Variants in PRDM15 observed in about 807,000 individuals in gnomAD.
PRDM15 encodes PR domain zinc finger protein 15.
In PRDM15, 64 loss-of-function variants were observed where a neutral mutation model predicts 128.6. The ratio of observed to expected loss-of-function variants is 0.50; its 90% CI spans 0.41 to 0.61. The LOEUF (loss-of-function observed/expected upper bound fraction) is 0.61, where lower values mean the gene tolerates loss of function less well. PRDM15 is among the 20% of genes least tolerant of loss of function. The probability of loss-of-function intolerance (pLI) is 0.00; values close to 1 mark genes in which losing one functional copy is unlikely to be tolerated. For missense variants in PRDM15, 1,242 were observed against 1,569.1 expected (o/e 0.79, Z 3.52); for synonymous variants, 615 against 621.8 (o/e 0.99, Z 0.16).
intron 5 of PRDM15, 74 bp from the exon 6 acceptor site, chr21:41,847,265 G>A (rs1190634551): frequency 1.9e-6 from 2 of 1,063,844 alleles, no homozygotes; most frequent in African/African-American, 1.6e-5. Flanking sequence ...CGGCGCAGCG[G>A]AGGAGGGGTG....
In PRDM15 at chr21:41,810,245, T is replaced by C; in HGVS notation, c.2561A>G (p.Asp854Gly). 6.2e-7 allele frequency: 1 copy of C among 1,613,400 alleles called. No individual in the cohort carries two copies. The highest frequency in any genetic ancestry group is 8.5e-7 in the Non-Finnish European group (1 of 1,179,924). The change falls in exon 21 of 24, where the codon GAC becomes GGC. Residue 854 changes from aspartate (D) to glycine (G), a missense_variant. Asp to Gly is a moderately conservative substitution (Grantham distance 94). Coordinates refer to ENST00000398548, the MANE Select transcript of PRDM15 (RefSeq NM_001040424.3). This position sits in a 1 kb window ranked among gnomAD's most constrained non-coding sequence, Gnocchi z 6.4. Reference protein sequence around the residue: ...MLQKHVQLTHDKVEAQSCQLC... With the variant: ...MLQKHVQLTHGKVEAQSCQLC... The stretch of plus-strand genomic sequence containing the variant: ...CTGGCAGCTCTGCGCCTCCACCTTG[T>C]CGTGTGTGAGCTGAACGTGCTTCTG...
intron 10 of PRDM15, among the ~76,000 whole-genome samples, 178 bp from the exon 11 acceptor site, chr21:41,835,702 A>C (rs2062850819): frequency 6.6e-6 from 1 of 152,150 alleles, no homozygotes; most frequent in Non-Finnish European, 1.5e-5. Context: ...CACCTGCCCT[A>C]GAAAGGGAAC....
At chr21:41,876,276 T>A (rs545637886) in intron 1 of PRDM15, among the ~76,000 whole-genome samples, 15 of 152,300 alleles carry the variant, frequency 9.8e-5, no homozygotes, top group South Asian at 6.2e-4. Flanking sequence ...TTTTTTCCCC[T>A]AATCAGTTCA....
intron 17 of PRDM15, 120 bp from the exon 18 acceptor site, chr21:41,819,821 G>T: frequency 7.4e-7 from 1 of 1,345,114 alleles, no homozygotes; most frequent in Non-Finnish European, 1.0e-6. Flanking sequence ...AGTAACAGGG[G>T]TGGGGTCGCC....
intron 11 of PRDM15, among the ~76,000 whole-genome samples, chr21:41,831,211 T>G (rs906706261): frequency 8.5e-5 from 13 of 152,218 alleles, no homozygotes; most frequent in Non-Finnish European, 1.3e-4. Flanking sequence ...CCTGCGCCTG[T>G]CCCTCTCTGC....
At chr21:41,805,909 C>T (rs2061551524) in intron 21 of PRDM15, among the ~76,000 whole-genome samples, 1 of 150,958 alleles carries the variant, frequency 6.6e-6, no homozygotes, top group African/African-American at 2.4e-5. Flanking sequence ...ACCCTCATCA[C>T]CACCAACACT....
intron 11 of PRDM15, among the ~76,000 whole-genome samples, chr21:41,830,120 C>T (rs951298207): frequency 0.14 from 21,290 of 151,548 alleles, 1,683 homozygotes; most frequent in East Asian, 0.29. Flanking sequence ...ACACACCACA[C>T]ACAAAAATAC....
At chr21:41,835,629 A>G (rs2062848922) in intron 10 of PRDM15, 105 bp from the exon 11 acceptor site, 2 of 806,748 alleles carry the variant, frequency 2.5e-6, no homozygotes, top group South Asian at 2.9e-5. Flanking sequence ...GTCTGTTATG[A>G]CTCTGACCTC....
At chr21:41,871,095 A>C (rs2064191732) in intron 1 of PRDM15, among the ~76,000 whole-genome samples, 1 of 152,208 alleles carries the variant, frequency 6.6e-6, no homozygotes, top group African/African-American at 2.4e-5. Flanking sequence ...TAAAACACAG[A>C]TACAGATGGG....
chr21:41,827,174 T>C (rs1247780668), intron 12 of PRDM15, among the ~76,000 whole-genome samples: 1 of 152,084 alleles, frequency 6.6e-6, no homozygotes, highest in African/African-American at 2.4e-5. Flanking sequence ...GCCCTAAGTA[T>C]ACCACCCAAG....
chr21:41,801,638 T>C lies in PRDM15; in HGVS notation c.3028A>G (p.Thr1010Ala). ...LTNITVTPIT[T>A]AAATQFTNLQ... ...TTGGTAAACTGAGTCGCGGCCGCAG[T>C]GGTGATGGGGGTCACGGTGATGTTG... is the stretch of plus-strand genomic sequence containing the variant. The change falls in exon 24 of 24, where the codon ACT becomes GCT. Residue 1010 changes from threonine (T) to alanine (A), a missense_variant. Physicochemically the swap from Thr to Ala is moderately conservative, Grantham distance 58. Coordinates refer to ENST00000398548, the MANE Select transcript of PRDM15 (RefSeq NM_001040424.3). 1.2e-6 allele frequency: 2 copies of C among 1,614,044 alleles called. No homozygotes were observed. The highest frequency in any genetic ancestry group is 8.5e-7 in the Non-Finnish European group (1 of 1,180,010).
chr21:41,867,375 G>T lies in PRDM15; in HGVS notation c.-9-7003C>A, dbSNP rs769179572. 17 of 1,613,042 alleles carry T rather than the reference G, an allele frequency of 1.1e-5. No individual in the cohort carries two copies. In the Admixed American group the frequency reaches 2.8e-4, roughly 27 times the overall value. On this transcript the variant is annotated intron_variant, in intron 1 of 23. Coordinates refer to ENST00000398548, the MANE Select transcript of PRDM15 (RefSeq NM_001040424.3). ...CCCCAGGAAAAGTTTTGTGCAAAGG[G>T]TCCTGAAAGCAGTGAAAGGAAAGCA...
Position 41,832,598 on chromosome 21 carries a change from C to T in PRDM15, c.1366+2839G>A, listed in dbSNP as rs2062732969. Among the ~76,000 whole-genome samples, 1 of 152,156 alleles carries T rather than the reference C, an allele frequency of 6.6e-6. No individual in the cohort carries two copies. The highest frequency in any genetic ancestry group is 1.5e-5 in the Non-Finnish European group (1 of 68,018). On this transcript the variant is annotated intron_variant, in intron 11 of 23. Coordinates refer to ENST00000398548, the MANE Select transcript of PRDM15 (RefSeq NM_001040424.3). The surrounding 1 kb of genome is among the most constrained non-coding windows in gnomAD (Gnocchi z 4.2). The stretch of plus-strand genomic sequence containing the variant: ...TCCTGAACAGCATAGGTGAGCCTCC[C>T]TCCCAGCCAGGCACTAAAGAGCACA...
chr21:41,802,808 G>A lies in PRDM15; in HGVS notation c.2847C>T (p.Pro949=), dbSNP rs769175172. The change falls in exon 23 of 24, where the codon CCC becomes CCT. Residue 949 remains proline, a synonymous_variant. Coordinates refer to ENST00000398548, the MANE Select transcript of PRDM15 (RefSeq NM_001040424.3). Reference sequence around the variant, plus strand: ...AGTATTCGCTGAAGGTGGCGTCCTCGGGCACCGGAGCACCCGCCTCCTCTT... The same window carrying A: ...AGTATTCGCTGAAGGTGGCGTCCTCAGGCACCGGAGCACCCGCCTCCTCTT... The part of the protein sequence containing the change: ...KPEEEAGAPV[P]EDATFSEYSE... 1.4e-5 allele frequency: 23 copies of A among 1,613,934 alleles called. No homozygotes were observed. The highest frequency in any genetic ancestry group is 3.3e-5 in the South Asian group (3 of 91,080).
chr21:41,809,384 C>T (rs2061788676), intron 21 of PRDM15, among the ~76,000 whole-genome samples: 1 of 152,228 alleles, frequency 6.6e-6, no homozygotes, highest in Admixed American at 6.5e-5. Context: ...AGGCGCCCAC[C>T]ACCATGCCCA....
intron 1 of PRDM15, among the ~76,000 whole-genome samples, chr21:41,872,835 T>C (rs1406891899): frequency 6.6e-6 from 1 of 152,066 alleles, no homozygotes; most frequent in African/African-American, 2.4e-5. Context: ...TAGTGAGAAA[T>C]AAGATGAGAA....
chr21:41,857,524 C>T lies in PRDM15; in HGVS notation c.132-195G>A, dbSNP rs563861069. ...TAATCCCAGCATGCACTTTGGAAGG[C>T]CAAGGTGTGAAGACTGTATAAGCCC... On this transcript the variant is annotated intron_variant, in intron 3 of 23. Transcript: ENST00000398548. 2.0e-5 allele frequency among the ~76,000 whole-genome samples: 3 copies of T among 152,298 alleles called. No individual in the cohort carries two copies. In the East Asian group the frequency reaches 5.8e-4, roughly 29 times the overall value.
chr21:41,836,523 G>T lies in PRDM15; in HGVS notation c.1128C>A (p.Ile376=). 2 of 1,612,726 alleles carry T rather than the reference G, an allele frequency of 1.2e-6. No individual in the cohort carries two copies. Among genetic ancestry groups the T allele is most frequent in the Non-Finnish European group, 1.7e-6 (2 of 1,179,970 alleles). ...GEHKRVYQCN[I]CSKIFQNSSN... ...TGCTGTTCTGGAAGATCTTGCTGCA[G>T]ATATTGCACTGGTAAACCCGCTTGT... is the stretch of plus-strand genomic sequence containing the variant. Residue 376 remains isoleucine, a synonymous_variant, in exon 9 of 24, where the codon ATC becomes ATA. Coordinates refer to ENST00000398548, the MANE Select transcript of PRDM15 (RefSeq NM_001040424.3).
In PRDM15 at chr21:41,828,110, C is replaced by T; in HGVS notation, c.1534+56G>A. 1 of 1,593,204 alleles carries T rather than the reference C, an allele frequency of 6.3e-7. No homozygotes were observed. The highest frequency in any genetic ancestry group is 8.6e-7 in the Non-Finnish European group (1 of 1,168,288). On this transcript the variant is annotated intron_variant, in intron 12 of 23. Coordinates refer to ENST00000398548, the MANE Select transcript of PRDM15 (RefSeq NM_001040424.3). This position sits in a 1 kb window ranked among gnomAD's most constrained non-coding sequence, Gnocchi z 5.7. ...TGCTGACTGCTCCATGCCGCCCTGC[C>T]CCACCCCGCAGGAGCTGCCTCTCCC...
Sources: gnomAD v4.1 joint callset for allele counts (sites outside exome capture counted in the v4.1 genomes callset) on GRCh38, gnomAD v4.1.1 for gene constraint, Gnocchi (gnomAD v3.1) non-coding constraint, MANE v1.5 for transcripts, NCBI Gene and HGNC (gene_info 2026-07-23, HGNC 2026-07-21) for gene names.